Variants in TTYH3 observed in about 807,000 individuals in gnomAD.
TTYH3 encodes the protein protein tweety homolog 3.
TTYH3 carries 23 observed loss-of-function variants against 68.2 expected under a neutral mutation model. The observed-to-expected ratio is 0.34, with a 90% CI of 0.24 to 0.48. The LOEUF (loss-of-function observed/expected upper bound fraction) is 0.48. Among genes scored for constraint, TTYH3 ranks in the 20% least tolerant of loss-of-function variants. The pLI, the probability that TTYH3 is intolerant of heterozygous loss-of-function variation, is 0.99. For synonymous variants in TTYH3, 360 were observed against 332.8 expected (o/e 1.08, Z -0.89); for missense variants, 768 against 727.7 (o/e 1.06, Z -0.64).
At position 2,661,753 on chromosome 7, in the gene TTYH3, G is replaced by A; in HGVS notation, c.*14G>A. On this transcript the variant is annotated 3_prime_UTR_variant, in exon 14 of 14. Coordinates refer to ENST00000258796, the MANE Select transcript of TTYH3 (RefSeq NM_025250.3). ...GGCAGCCACTAGACCGCGCCCGGCA[G>A]CCACCCACCCCACGTGCCAACTTCC... The A allele has an allele frequency of 6.2e-7, 1 of 1,606,532 alleles. No homozygotes were observed. The highest frequency in any genetic ancestry group is 8.5e-7 in the Non-Finnish European group (1 of 1,178,004).
intron 7 of TTYH3, 50 bp downstream of exon 7, chr7:2,650,038 T>G: frequency 6.2e-7 from 1 of 1,604,110 alleles, no homozygotes; most frequent in East Asian, 2.2e-5. Flanking sequence ...AGGGTTGGGC[T>G]GAGCCAAAAG....
At chr7:2,653,172 C>T (rs6461505) in intron 9 of TTYH3, among the ~76,000 whole-genome samples, 162 bp downstream of exon 9, 32,232 of 152,050 alleles carry the variant, frequency 0.21, 5,240 homozygotes, top group African/African-American at 0.46. Flanking sequence ...TGTTCCTCTT[C>T]CCTCCCCCAG....
intron 3 of TTYH3, 57 bp downstream of exon 3, chr7:2,647,310 C>G: frequency 1.3e-6 from 2 of 1,529,078 alleles, no homozygotes; most frequent in Non-Finnish European, 1.8e-6. Flanking sequence ...AGCCCCACGT[C>G]TGCGCGAGGA....
At chr7:2,632,329 CCCT>C (rs1239199515) in intron 1 of TTYH3, 51 bp downstream of exon 1, 1 of 1,485,226 alleles carries the variant, frequency 6.7e-7, no homozygotes, top group Non-Finnish European at 9.0e-7. Flanking sequence ...GGTCACGGCC[CCCT>C]CCTCTCCCAG....
rs1786227746 is a variant in TTYH3 at position 2,652,915 on chromosome 7, C to T, written c.928-3C>T. On this transcript the variant is annotated splice_region_variant and splice_polypyrimidine_tract_variant and intron_variant, in intron 8 of 13. Coordinates refer to ENST00000258796, the MANE Select transcript of TTYH3 (RefSeq NM_025250.3). ...CATGGACTTGGTCTCCTCTCTGGAGCAGAAGCTGTCGGGCAGCCACAAGGC... is the reference window on the plus strand; with the variant it reads ...CATGGACTTGGTCTCCTCTCTGGAGTAGAAGCTGTCGGGCAGCCACAAGGC... The T allele has an allele frequency of 1.3e-6, 2 of 1,559,292 alleles. No homozygotes were observed. The highest frequency in any genetic ancestry group is 2.3e-5 in the East Asian group (1 of 42,644).
intron 1 of TTYH3, among the ~76,000 whole-genome samples, chr7:2,632,830 G>A (rs1162643790): frequency 1.3e-5 from 2 of 152,240 alleles, no homozygotes; most frequent in South Asian, 2.1e-4. Flanking sequence ...GGCCTGGGCC[G>A]CCGCCAGCCC....
intron 1 of TTYH3, among the ~76,000 whole-genome samples, chr7:2,646,125 C>T (rs1785974146): frequency 6.6e-6 from 1 of 152,172 alleles, no homozygotes; most frequent in Non-Finnish European, 1.5e-5. Flanking sequence ...AGTGATCCTC[C>T]TGCCTCAGCC....
intron 5 of TTYH3, among the ~76,000 whole-genome samples, chr7:2,648,939 G>A (rs1786080686): frequency 6.6e-6 from 1 of 151,684 alleles, no homozygotes; most frequent in South Asian, 2.1e-4. Flanking sequence ...TGGGGTGTGG[G>A]GCCCGCAGTG....
chr7:2,646,818 C>T, intron 1 of TTYH3, 35 bp from the exon 2 acceptor site: 1 of 1,573,512 alleles, frequency 6.4e-7, no homozygotes, highest in Non-Finnish European at 8.6e-7. Context: ...AGCTGGGGGT[C>T]CACCCCTCCA....
chr7:2,645,890 G>A lies in TTYH3; in HGVS notation c.124-963G>A, dbSNP rs1307874327. ...GGGGGATCCTGCCAGGACTCAGGTA[G>A]GAGAGTTCTGGGCCTGAGACGGGGA... On this transcript the variant is annotated intron_variant, in intron 1 of 13. Transcript: ENST00000258796. The surrounding 1 kb of genome is among the most constrained non-coding windows in gnomAD (Gnocchi z 4.8). 1 of 470,512 alleles carries A rather than the reference G, an allele frequency of 2.1e-6. No individual in the cohort carries two copies. 29.1% of individuals were successfully genotyped at this position (470,512 alleles called of 1,614,324 possible). A position where few individuals can be genotyped will look rare whatever the true frequency, so the allele number is the denominator to read the frequency against.
intron 1 of TTYH3, among the ~76,000 whole-genome samples, chr7:2,636,457 C>T (rs1053543959): frequency 6.6e-6 from 1 of 152,136 alleles, no homozygotes. Context: ...TGACATGTCT[C>T]GTACTTTGGA....
intron 13 of TTYH3, among the ~76,000 whole-genome samples, chr7:2,660,820 C>T (rs949067941): frequency 5.9e-5 from 9 of 152,164 alleles, no homozygotes; most frequent in Non-Finnish European, 1.2e-4. Context: ...TCACTGCCGC[C>T]GGCCCCTGAC....
At chr7:2,634,080 C>T (rs921312318) in intron 1 of TTYH3, among the ~76,000 whole-genome samples, 1 of 152,200 alleles carries the variant, frequency 6.6e-6, no homozygotes, top group Non-Finnish European at 1.5e-5. Flanking sequence ...CTGACTCACT[C>T]TCTCTCCTGC....
At chr7:2,647,855 G>T (rs1267214691) in intron 4 of TTYH3, 104 bp from the exon 5 acceptor site, 2 of 1,352,034 alleles carry the variant, frequency 1.5e-6, no homozygotes, top group South Asian at 2.4e-5. Flanking sequence ...AATGCCCTCT[G>T]GGGTGCCAGG....
At chr7:2,657,576 T>G (rs1321764295) in intron 11 of TTYH3, among the ~76,000 whole-genome samples, 2 of 152,170 alleles carry the variant, frequency 1.3e-5, no homozygotes, top group Admixed American at 1.3e-4. Context: ...AGGGCTAGAT[T>G]CAGATTCTGT....
Position 2,661,743 on chromosome 7 carries a change from G to A in TTYH3, c.*4G>A, listed in dbSNP as rs754388689. The A allele has an allele frequency of 9.3e-6, 15 of 1,608,740 alleles. No individual in the cohort carries two copies. The highest frequency in any genetic ancestry group is 1.6e-4 in the Middle Eastern group (1 of 6,074). ...TGACTCCAGCGGCAGCCACTAGACC[G>A]CGCCCGGCAGCCACCCACCCCACGT... On this transcript the variant is annotated 3_prime_UTR_variant, in exon 14 of 14. Transcript: ENST00000258796.
intron 13 of TTYH3, chr7:2,660,461 G>A (rs932159621): frequency 7.5e-5 from 74 of 985,290 alleles, no homozygotes; most frequent in African/African-American, 8.7e-5. Context: ...GGCACGTGCC[G>A]GCGAGCACGT....
chr7:2,653,566 A>G, intron 9 of TTYH3, among the ~76,000 whole-genome samples: 1 of 152,278 alleles, frequency 6.6e-6, no homozygotes, highest in Admixed American at 6.5e-5. Flanking sequence ...CAATATGTTA[A>G]AAAAATAAAA....
chr7:2,658,913 C>T, intron 12 of TTYH3, 27 bp from the exon 13 acceptor site: 1 of 1,611,966 alleles, frequency 6.2e-7, no homozygotes, highest in South Asian at 1.1e-5. Context: ...AGCAGGCACT[C>T]ACAGCCTCTC....
Sources: allele counts gnomAD v4.1 joint callset (sites outside exome capture counted in the v4.1 genomes callset), GRCh38; gene constraint gnomAD v4.1.1; non-coding constraint Gnocchi (gnomAD v3.1); transcripts MANE v1.5; gene names NCBI Gene and HGNC (gene_info 2026-07-23, HGNC 2026-07-21).